The following SKAP2 variants were observed in gnomAD, a reference collection of about 807,000 sequenced individuals.
SKAP2 encodes the protein src kinase-associated phosphoprotein 2.
Under a neutral mutation model 54.9 loss-of-function variants are expected in SKAP2, and 28 were observed. That is an observed-to-expected ratio of 0.51 (90% CI 0.38 to 0.70). The LOEUF (loss-of-function observed/expected upper bound fraction) is 0.70. SKAP2 is among the 30% of genes least tolerant of loss of function. The pLI is 0.00. For missense variants in SKAP2, 356 were observed against 424.1 expected, an observed-to-expected ratio of 0.84 and a Z score of 1.41; for synonymous variants, 137 against 134.3, an observed-to-expected ratio of 1.02 and a Z score of -0.14.
At chr7:26,789,244 A>C (rs1468385888) in intron 4 of SKAP2, among the ~76,000 whole-genome samples, 1 of 152,234 alleles carries the variant, frequency 6.6e-6, no homozygotes, top group African/African-American at 2.4e-5. Flanking sequence ...TAGGTTAAAA[A>C]AATTTTTAGC....
At chr7:26,781,726 T>A (rs1562608110) in intron 4 of SKAP2, among the ~76,000 whole-genome samples, 1 of 152,320 alleles carries the variant, frequency 6.6e-6, no homozygotes, top group South Asian at 2.1e-4. Context: ...CACCAAGACC[T>A]ACGATCTGAC....
At chr7:26,715,482 G>T (rs746363498) in intron 9 of SKAP2, among the ~76,000 whole-genome samples, 11 of 151,894 alleles carry the variant, frequency 7.2e-5, no homozygotes, top group Non-Finnish European at 1.5e-4. Context: ...TCTCCCCAAA[G>T]AATTAATAAC....
At chr7:26,787,372 G>C (rs1343358522) in intron 4 of SKAP2, among the ~76,000 whole-genome samples, 2 of 151,902 alleles carry the variant, frequency 1.3e-5, no homozygotes, top group Non-Finnish European at 2.9e-5. Flanking sequence ...ACCTAGGCTG[G>C]AGTGCGGTAG....
chr7:26,751,750 CTAT>C (rs1782688688), intron 4 of SKAP2, among the ~76,000 whole-genome samples: 1 of 152,020 alleles, frequency 6.6e-6, no homozygotes, highest in Non-Finnish European at 1.5e-5. Flanking sequence ...ACATTCTTAT[CTAT>C]TATTATTGTT....
At chr7:26,680,683 A>G (rs1257326368) in intron 11 of SKAP2, among the ~76,000 whole-genome samples, 7 of 152,210 alleles carry the variant, frequency 4.6e-5, no homozygotes, top group Admixed American at 3.9e-4. Context: ...CAGCAACCCT[A>G]TGTGAATAGA....
the SKAP2 span, among the ~76,000 whole-genome samples, chr7:26,654,948 G>A: frequency 3.3e-5 from 5 of 152,190 alleles, no homozygotes; most frequent in South Asian, 2.1e-4. Flanking sequence ...CCAGGGACCC[G>A]TTGGTGATAT....
chr7:26,864,260 C>T, intron 1 of SKAP2, 103 bp downstream of exon 1: 2 of 1,404,720 alleles, frequency 1.4e-6, no homozygotes, highest in Non-Finnish European at 2.0e-6. Flanking sequence ...ACGTGGGAAG[C>T]GCGGGGAGGG....
At chr7:26,706,725 T>C (rs894834500) in intron 9 of SKAP2, among the ~76,000 whole-genome samples, 19 of 152,204 alleles carry the variant, frequency 1.2e-4, no homozygotes, top group African/African-American at 9.6e-5. Context: ...GAGAAAATGA[T>C]TGATCAGCAC....
chr7:26,748,167 C>T (rs927073697), intron 4 of SKAP2, among the ~76,000 whole-genome samples: 1 of 151,860 alleles, frequency 6.6e-6, no homozygotes, highest in Non-Finnish European at 1.5e-5. Context: ...AACTGCTGTC[C>T]CTTTCTCATA....
rs760873604 is a variant in SKAP2, at chr7:26,739,957, C to G, written c.315G>C (p.Gln105His). 2 of 1,607,874 alleles carry G rather than the reference C, an allele frequency of 1.2e-6. No homozygotes were observed. Among genetic ancestry groups the G allele is most frequent in the Non-Finnish European group, 1.7e-6 (2 of 1,177,590 alleles). ...GGTCTTGTGCTGCAATTGGAGGAAA[C>G]TGGGCTCCTATGAGAAGTTGGGGAG... ...KDDEAPSDGA[Q>H]FPPIAAQDLP... Residue 105 changes from glutamine (Q) to histidine (H), a missense_variant, in exon 5 of 13, where the codon CAG (glutamine) becomes CAC (histidine). By Grantham distance (24) the Gln-to-His change is conservative. Transcript: ENST00000345317.
chr7:26,834,737 C>T (rs888927972), intron 4 of SKAP2, among the ~76,000 whole-genome samples: 4 of 152,084 alleles, frequency 2.6e-5, no homozygotes, highest in South Asian at 4.1e-4. Flanking sequence ...CAGGACCAGA[C>T]GGATTCACAG....
At chr7:26,763,100 C>T (rs567625105) in intron 4 of SKAP2, among the ~76,000 whole-genome samples, 2 of 152,222 alleles carry the variant, frequency 1.3e-5, no homozygotes, top group South Asian at 2.1e-4. Context: ...AGTCTGAGAT[C>T]TCAGGTTTCT....
intron 4 of SKAP2, among the ~76,000 whole-genome samples, chr7:26,791,066 G>A (rs1783665237): frequency 6.6e-6 from 1 of 151,988 alleles, no homozygotes; most frequent in Non-Finnish European, 1.5e-5. Flanking sequence ...AATCCAGGAT[G>A]TACAGTTGCC....
chr7:26,724,891 T>G (rs1787665969), intron 9 of SKAP2, among the ~76,000 whole-genome samples: 1 of 152,154 alleles, frequency 6.6e-6, no homozygotes, highest in Non-Finnish European at 1.5e-5. Flanking sequence ...TTATTCCATA[T>G]TGATGCTAAA....
chr7:26,712,161 T>C (rs995382792), intron 9 of SKAP2, among the ~76,000 whole-genome samples: 22 of 152,208 alleles, frequency 1.4e-4, no homozygotes, highest in African/African-American at 5.3e-4. Context: ...CAGATTTTTT[T>C]GAATTTTGGA....
At chr7:26,761,330 T>C (rs1304920789) in intron 4 of SKAP2, among the ~76,000 whole-genome samples, 1 of 152,186 alleles carries the variant, frequency 6.6e-6, no homozygotes, top group Non-Finnish European at 1.5e-5. Flanking sequence ...CAAAAATGAA[T>C]AAGAGCTTAA....
chr7:26,792,334 A>G (rs1461118253), intron 4 of SKAP2, among the ~76,000 whole-genome samples: 1 of 152,206 alleles, frequency 6.6e-6, no homozygotes, highest in African/African-American at 2.4e-5. Context: ...TAAAGGATGA[A>G]TTTTATTGTA....
intron 6 of SKAP2, among the ~76,000 whole-genome samples, chr7:26,736,039 C>T (rs1787932489): frequency 6.6e-6 from 1 of 152,122 alleles, no homozygotes; most frequent in Admixed American, 6.5e-5. Flanking sequence ...CAGACATCAA[C>T]ATGAAAAAGG....
chr7:26,685,452 G>T (rs189804448), intron 10 of SKAP2, among the ~76,000 whole-genome samples: 9 of 152,268 alleles, frequency 5.9e-5, no homozygotes, highest in Non-Finnish European at 7.4e-5. Context: ...TGTACCCAAA[G>T]CCAAAGTTAT....
Sources: allele counts gnomAD v4.1 joint callset (sites outside exome capture counted in the v4.1 genomes callset), GRCh38; gene constraint gnomAD v4.1.1; transcripts MANE v1.5; gene names NCBI Gene and HGNC (gene_info 2026-07-23, HGNC 2026-07-21).